Variants in SASH1 observed in about 807,000 individuals in gnomAD.
The protein encoded by SASH1 is SAM and SH3 domain containing 1.
SASH1 carries 44 observed loss-of-function variants against 125.2 expected under a neutral mutation model. The observed-to-expected ratio is 0.35, with a 90% CI of 0.28 to 0.45. The LOEUF (loss-of-function observed/expected upper bound fraction) is 0.45, where lower values mean the gene tolerates loss of function less well. SASH1 is among the 20% of genes least tolerant of loss of function. The pLI, the probability that SASH1 is intolerant of heterozygous loss-of-function variation, is 1.00. For synonymous variants in SASH1, 639 were observed against 649.1 expected (o/e 0.98, Z 0.24); for missense variants, 1,426 against 1,614.5 (o/e 0.88, Z 2.00).
chr6:148,465,234 G>A (rs1481957701), intron 4 of SASH1, among the ~76,000 whole-genome samples: 1 of 151,986 alleles, frequency 6.6e-6, no homozygotes, highest in African/African-American at 2.4e-5. Flanking sequence ...GGGGATATTT[G>A]GTCCATAGCA....
At chr6:148,308,929 C>A (rs927875996) in intron 1 of SASH1, among the ~76,000 whole-genome samples, 4 of 150,762 alleles carry the variant, frequency 2.7e-5, no homozygotes, top group Non-Finnish European at 5.9e-5. Context: ...ACTAAGAATA[C>A]AAAAATTAGC....
At chr6:148,292,571 G>T (rs975738341) in intron 1 of SASH1, among the ~76,000 whole-genome samples, 5 of 152,166 alleles carry the variant, frequency 3.3e-5, no homozygotes, top group East Asian at 1.9e-4. Flanking sequence ...AGGAAGAGGG[G>T]TGTAAAGGGC....
chr6:148,198,634 GT>G, the SASH1 span, among the ~76,000 whole-genome samples: 8 of 152,232 alleles, frequency 5.3e-5, no homozygotes, highest in African/African-American at 1.9e-4. Context: ...TCAAGATGTT[GT>G]ATGTTTAGAC....
At chr6:148,405,036 TC>T (rs1213456142) in intron 2 of SASH1, among the ~76,000 whole-genome samples, 1 of 151,996 alleles carries the variant, frequency 6.6e-6, no homozygotes. Context: ...TTGATTCTGC[TC>T]ACAGGGCGGC....
intron 2 of SASH1, among the ~76,000 whole-genome samples, chr6:148,437,222 A>G (rs192627245): frequency 3.4e-4 from 51 of 152,216 alleles, no homozygotes; most frequent in Non-Finnish European, 4.9e-4. Flanking sequence ...TCTTTCTCCA[A>G]TCATTTATAG....
At chr6:148,474,358 C>T (rs1310970650) in intron 7 of SASH1, 136 bp downstream of exon 7, 2 of 560,246 alleles carry the variant, frequency 3.6e-6, no homozygotes, top group East Asian at 3.1e-5. Context: ...TTACTTGATA[C>T]AAACATTCTA....
intron 2 of SASH1, among the ~76,000 whole-genome samples, chr6:148,421,371 T>G (rs1785096313): frequency 6.6e-6 from 1 of 152,230 alleles, no homozygotes; most frequent in Non-Finnish European, 1.5e-5. Context: ...TGGTGTAATC[T>G]CAGCTCACTG....
chr6:148,324,314 G>A (rs1314624193), intron 1 of SASH1, among the ~76,000 whole-genome samples: 2 of 151,982 alleles, frequency 1.3e-5, no homozygotes, highest in African/African-American at 4.8e-5. Flanking sequence ...CATGAGCTGT[G>A]GACATGGTTA....
intron 19 of SASH1, among the ~76,000 whole-genome samples, chr6:148,547,352 CAG>C (rs978726577): frequency 1.1e-4 from 17 of 152,130 alleles, no homozygotes; most frequent in Admixed American, 6.5e-4. Flanking sequence ...TCAGGTGGGA[CAG>C]AGCTGGGTGG....
chr6:148,213,014 T>C, the SASH1 span, among the ~76,000 whole-genome samples: 13 of 152,188 alleles, frequency 8.5e-5, no homozygotes, highest in Non-Finnish European at 1.6e-4. Context: ...GTGATCCTCC[T>C]TTTACATTCT....
intron 1 of SASH1, among the ~76,000 whole-genome samples, chr6:148,351,892 T>G (rs1365705461): frequency 6.6e-6 from 1 of 152,124 alleles, no homozygotes; most frequent in African/African-American, 2.4e-5. Context: ...CAAGAATATG[T>G]ATCTTTGCTA....
chr6:148,319,022 CTTTTTTTT>C (rs10695657), intron 1 of SASH1, among the ~76,000 whole-genome samples: 13 of 66,682 alleles, frequency 1.9e-4, no homozygotes, highest in African/African-American at 5.4e-4. Context: ...CATTTATCTT[CTTTTTTTT>C]TTTTTTTTTT....
At chr6:148,214,681 C>T in the SASH1 span, among the ~76,000 whole-genome samples, 1,558 of 152,246 alleles carry the variant, frequency 0.01, 21 homozygotes, top group African/African-American at 0.036. Context: ...CCAAAATGTG[C>T]CTAGCTGTAT....
At chr6:148,344,975 C>T (rs1398573905) in intron 1 of SASH1, among the ~76,000 whole-genome samples, 3 of 152,034 alleles carry the variant, frequency 2.0e-5, no homozygotes, top group Admixed American at 6.6e-5. Context: ...AGGCTGGTCT[C>T]GAACTCCTGA....
chr6:148,266,520 A>T, the SASH1 span, among the ~76,000 whole-genome samples: 1 of 152,210 alleles, frequency 6.6e-6, no homozygotes, highest in African/African-American at 2.4e-5. Context: ...CAATGTATAC[A>T]AAGGGCCCAA....
chr6:148,282,863 C>T (rs1206644787), intron 1 of SASH1, among the ~76,000 whole-genome samples: 4 of 152,040 alleles, frequency 2.6e-5, no homozygotes, highest in African/African-American at 9.7e-5. Context: ...AACCCTAGTC[C>T]CCCTCCCCAA....
chr6:148,228,573 C>T, the SASH1 span, among the ~76,000 whole-genome samples: 3 of 152,286 alleles, frequency 2.0e-5, no homozygotes, highest in East Asian at 5.8e-4. Flanking sequence ...CTGAGCTTGT[C>T]AAATGGATTT....
the SASH1 span, among the ~76,000 whole-genome samples, chr6:148,194,082 G>T: frequency 6.6e-6 from 1 of 152,156 alleles, no homozygotes; most frequent in African/African-American, 2.4e-5. Flanking sequence ...TAATGTCTAA[G>T]ACTAACCTTT....
At chr6:148,298,292 C>T (rs1157471310) in intron 1 of SASH1, among the ~76,000 whole-genome samples, 2 of 152,094 alleles carry the variant, frequency 1.3e-5, no homozygotes, top group African/African-American at 4.8e-5. Context: ...GGATTATAGA[C>T]ATGAGCCGCC....
Sources: allele counts gnomAD v4.1 joint callset (sites outside exome capture counted in the v4.1 genomes callset), GRCh38; gene constraint gnomAD v4.1.1; transcripts MANE v1.5; gene names NCBI Gene and HGNC (gene_info 2026-07-23, HGNC 2026-07-21).